STK31: variants seen among roughly 807,000 people sequenced by gnomAD.
The protein encoded by STK31 is serine/threonine-protein kinase 31.
Under a neutral mutation model 129.7 loss-of-function variants are expected in STK31, and 89 were observed. That is an observed-to-expected ratio of 0.69 (90% confidence interval 0.58 to 0.82). The LOEUF (loss-of-function observed/expected upper bound fraction) is 0.82. Among genes scored for constraint, STK31 ranks in the 40% least tolerant of loss-of-function variants. The probability of loss-of-function intolerance (pLI) is 0.00; values close to 1 mark genes in which losing one functional copy is unlikely to be tolerated. For missense variants in STK31, 1,187 were observed against 1,176.4 expected, an observed-to-expected ratio of 1.01 and a Z score of -0.13; for synonymous variants, 448 against 395.3, an observed-to-expected ratio of 1.13 and a Z score of -1.58.
chr7:23,769,782 G>A, intron 13 of STK31, 26 bp downstream of exon 13: 1 of 1,458,758 alleles, frequency 6.9e-7, no homozygotes, highest in Non-Finnish European at 9.5e-7. Context: ...CTTTATTATT[G>A]CCTCCTTTGA....
chr7:23,809,645 G>A (rs1341677499), intron 22 of STK31, among the ~76,000 whole-genome samples: 1 of 152,020 alleles, frequency 6.6e-6, no homozygotes, highest in Non-Finnish European at 1.5e-5. Context: ...ATCCATGTTT[G>A]GTTGAAAAAA....
At chr7:23,746,428 C>G (rs935637764) in intron 8 of STK31, among the ~76,000 whole-genome samples, 8 of 152,164 alleles carry the variant, frequency 5.3e-5, no homozygotes, top group African/African-American at 1.9e-4. Context: ...TTTCCTGTCA[C>G]TTCTCTGTTG....
chr7:23,810,761 TAATATATAAATATATATTATATATA>T (rs1562623508), intron 22 of STK31, among the ~76,000 whole-genome samples: 5 of 131,192 alleles, frequency 3.8e-5, no homozygotes, highest in African/African-American at 1.2e-4. Flanking sequence ...ATATAATATA[TAATATATAAATATATATTATATATA>T]AATATATAAA....
chr7:23,774,711 C>A (rs571799127), intron 15 of STK31, among the ~76,000 whole-genome samples: 1 of 152,236 alleles, frequency 6.6e-6, no homozygotes, highest in South Asian at 2.1e-4. Flanking sequence ...CAAAAATTTT[C>A]TCCATTTTGT....
chr7:23,825,618 A>T (rs1225063877), intron 23 of STK31, among the ~76,000 whole-genome samples: 1 of 152,044 alleles, frequency 6.6e-6, no homozygotes, highest in Non-Finnish European at 1.5e-5. Context: ...CTCTAATCTT[A>T]GTTATTTCTT....
At chr7:23,767,838 C>A (rs1258251320) in intron 11 of STK31, among the ~76,000 whole-genome samples, 1 of 152,054 alleles carries the variant, frequency 6.6e-6, no homozygotes, top group Admixed American at 6.6e-5. Flanking sequence ...TTTGTTAATT[C>A]AATGCTAAAC....
intron 23 of STK31, among the ~76,000 whole-genome samples, chr7:23,817,994 T>C (rs1793567040): frequency 6.6e-6 from 1 of 152,002 alleles, no homozygotes; most frequent in African/African-American, 2.4e-5. Context: ...ATTATTTCTA[T>C]CCTTCTGCTT....
At chr7:23,755,808 A>T (rs955560634) in intron 10 of STK31, among the ~76,000 whole-genome samples, 1 of 151,834 alleles carries the variant, frequency 6.6e-6, no homozygotes, top group African/African-American at 2.4e-5. Context: ...ATGGTTTTAG[A>T]TGTGTGATGT....
chr7:23,747,601 C>G (rs905195870), intron 8 of STK31, among the ~76,000 whole-genome samples: 2 of 152,128 alleles, frequency 1.3e-5, no homozygotes, highest in African/African-American at 4.8e-5. Flanking sequence ...ATCTCCTGAC[C>G]TCGTGATCCA....
intron 15 of STK31, among the ~76,000 whole-genome samples, chr7:23,777,244 T>A (rs1790611550): frequency 6.6e-6 from 1 of 152,210 alleles, no homozygotes; most frequent in South Asian, 2.1e-4. Flanking sequence ...TACTTCCAAC[T>A]GTGTGGTCAG....
rs181929776 is a variant in STK31 at position 23,764,369 on chromosome 7, C to A, written c.1416+1446C>A. On this transcript the variant is annotated intron_variant, in intron 11 of 23. Transcript: ENST00000355870. The stretch of plus-strand genomic sequence containing the variant: ...TGCCTTAACTGGCTTGTCTCCACTT[C>A]TAGTATTCCCTCAGGTCACCAAAAT... Among the ~76,000 whole-genome samples the A allele has an allele frequency of 1.5e-3, 234 of 152,272 alleles. 1 individual carries two copies. Among genetic ancestry groups the A allele is most frequent in the Non-Finnish European group, 2.7e-3 (184 of 67,996 alleles).
At chr7:23,723,444 C>T (rs567734714) in intron 4 of STK31, among the ~76,000 whole-genome samples, 1 of 152,182 alleles carries the variant, frequency 6.6e-6, no homozygotes, top group African/African-American at 2.4e-5. Flanking sequence ...CAGGTGTGAG[C>T]CACTGTGCCT....
intron 10 of STK31, among the ~76,000 whole-genome samples, chr7:23,760,306 C>T (rs552311768): frequency 1.3e-5 from 2 of 152,088 alleles, no homozygotes; most frequent in Non-Finnish European, 2.9e-5. Flanking sequence ...ATCTTACTCC[C>T]TAGTCATACC....
At chr7:23,720,326 T>C (rs1005381930) in intron 4 of STK31, among the ~76,000 whole-genome samples, 1 of 152,158 alleles carries the variant, frequency 6.6e-6, no homozygotes, top group Non-Finnish European at 1.5e-5. Flanking sequence ...AGCCCTACCT[T>C]GTCAAAGATA....
In STK31 at chr7:23,723,953, C is replaced by T. The variant is rs749766361; in HGVS notation, c.250-3288C>T. 3.3e-5 allele frequency among the ~76,000 whole-genome samples: 5 copies of T among 152,104 alleles called. No homozygotes were observed. The South Asian group carries it at 1.0e-3, about 32-fold the overall frequency. ...AGACGGCTAATGCTCAAAATTCTCT[C>T]GGCCCGGAGGAAGGGGCTTGATTAA... On this transcript the variant is annotated intron_variant, in intron 4 of 23. Coordinates refer to ENST00000355870, the MANE Select transcript of STK31 (RefSeq NM_031414.5).
rs1390948704 is a variant in STK31 at position 23,769,729 on chromosome 7, C to T, written c.1686C>T (p.Val562=). The T allele has an allele frequency of 6.2e-7, 1 of 1,609,640 alleles. No individual in the cohort carries two copies. The highest frequency in any genetic ancestry group is 1.1e-5 in the South Asian group (1 of 90,280). The change falls in exon 13 of 24, where the codon GTC becomes GTT. Residue 562 remains valine, a synonymous_variant. Coordinates refer to ENST00000355870, the MANE Select transcript of STK31 (RefSeq NM_031414.5). ...TCCTAGAGAAGACTGAGTCAAGTGT[C>T]TGCAAAGAGCTGGAGATAGCTCTGG... ...DEILEKTESS[V]CKELEIALVD... is the part of the protein sequence containing the mutation.
At chr7:23,728,001 G>A (rs546549175) in intron 5 of STK31, among the ~76,000 whole-genome samples, 1 of 142,926 alleles carries the variant, frequency 7.0e-6, no homozygotes, top group African/African-American at 2.6e-5. Context: ...TGTGAATATT[G>A]TTAATAATAA....
At chr7:23,759,101 A>G (rs1281434210) in intron 10 of STK31, among the ~76,000 whole-genome samples, 1 of 152,240 alleles carries the variant, frequency 6.6e-6, no homozygotes, top group Non-Finnish European at 1.5e-5. Context: ...TTCTGAATAT[A>G]TATGCACCCA....
At chr7:23,768,295 A>G (rs1454243763) in intron 11 of STK31, among the ~76,000 whole-genome samples, 1 of 152,152 alleles carries the variant, frequency 6.6e-6, no homozygotes, top group Non-Finnish European at 1.5e-5. Flanking sequence ...TGTGTAGTAA[A>G]TTTATACCAT....
Sources: gnomAD v4.1 joint callset for allele counts (sites outside exome capture counted in the v4.1 genomes callset) on GRCh38, gnomAD v4.1.1 for gene constraint, MANE v1.5 for transcripts, NCBI Gene and HGNC (gene_info 2026-07-23, HGNC 2026-07-21) for gene names.